The following SDK1 variants were observed in gnomAD, a reference collection of about 807,000 sequenced individuals.
The protein encoded by SDK1 is protein sidekick-1.
In SDK1, 157 loss-of-function variants were observed where a neutral mutation model predicts 245.5. That is an observed-to-expected ratio of 0.64 (90% CI 0.56 to 0.73). The LOEUF (loss-of-function observed/expected upper bound fraction) is 0.73. Ranked by LOEUF, SDK1 falls within the 30% of genes least tolerant of loss-of-function variation. The pLI is 0.00. For missense variants in SDK1, 3,583 were observed against 3,002.3 expected (o/e 1.19, Z -4.52); for synonymous variants, 1,647 against 1,278.5 (o/e 1.29, Z -6.15).
In SDK1 at chr7:3,791,464, G is replaced by T. The variant is rs10237207; in HGVS notation, c.714-29986G>T. On this transcript the variant is annotated intron_variant, in intron 4 of 44. Coordinates refer to ENST00000404826, the MANE Select transcript of SDK1 (RefSeq NM_152744.4). ...CTTCGTGGCAGATGGTCATTCTAAG[G>T]TTCCCTCAGGGTCATCAGTCATGAG... is the stretch of plus-strand genomic sequence containing the variant. Among the ~76,000 whole-genome samples the T allele has an allele frequency of 5.6e-3, 852 of 152,308 alleles. 9 individuals are homozygous for T. Among genetic ancestry groups the T allele is most frequent in the African/African-American group, 0.02 (819 of 41,586 alleles).
chr7:3,470,367 A>T (rs952913923), intron 1 of SDK1, among the ~76,000 whole-genome samples: 1 of 152,202 alleles, frequency 6.6e-6, no homozygotes, highest in East Asian at 1.9e-4. Flanking sequence ...GAAAACGTGT[A>T]CAACTATTTA....
intron 1 of SDK1, among the ~76,000 whole-genome samples, chr7:3,580,699 T>G (rs557374688): frequency 6.6e-6 from 1 of 152,218 alleles, no homozygotes; most frequent in East Asian, 1.9e-4. Flanking sequence ...CTGGGCGTGG[T>G]GGCTCACGCC....
Position 3,401,046 on chromosome 7 carries a change from C to G in SDK1, c.298+99162C>G, listed in dbSNP as rs1778875080. Reference sequence around the variant, plus strand: ...ATCTAATACTGCCTCTGCGTGGGTCCCTGCTGCCATCCGCAGCCTCATAGC... The same window carrying G: ...ATCTAATACTGCCTCTGCGTGGGTCGCTGCTGCCATCCGCAGCCTCATAGC... On this transcript the variant is annotated intron_variant, in intron 1 of 44. Transcript: ENST00000404826. Among the ~76,000 whole-genome samples, 3 of 152,232 alleles carry G rather than the reference C, an allele frequency of 2.0e-5. No homozygotes were observed. In the Middle Eastern group the frequency reaches 0.01, roughly 518 times the overall value.
chr7:4,173,301 G>A (rs908620196), intron 32 of SDK1, among the ~76,000 whole-genome samples: 10 of 152,294 alleles, frequency 6.6e-5, no homozygotes, highest in African/African-American at 2.2e-4. Flanking sequence ...GGCTTTCCAG[G>A]GCATCCGCCT....
chr7:3,396,131 T>C (rs1224204767), intron 1 of SDK1, among the ~76,000 whole-genome samples: 1 of 151,932 alleles, frequency 6.6e-6, no homozygotes, highest in East Asian at 1.9e-4. Context: ...CTGCATCTCA[T>C]ACACTTGGAC....
At chr7:3,657,969 G>C (rs982480693) in intron 4 of SDK1, among the ~76,000 whole-genome samples, 1 of 152,190 alleles carries the variant, frequency 6.6e-6, no homozygotes, top group Non-Finnish European at 1.5e-5. Flanking sequence ...ATGACAAAGT[G>C]GGTCTCAGCC....
intron 17 of SDK1, among the ~76,000 whole-genome samples, chr7:4,039,960 T>C (rs1481307027): frequency 1.3e-5 from 2 of 152,192 alleles, no homozygotes; most frequent in African/African-American, 4.8e-5. Context: ...AGCAAATTAA[T>C]TGAATAAGAA....
intron 1 of SDK1, among the ~76,000 whole-genome samples, chr7:3,493,772 C>G (rs902640883): frequency 2.7e-4 from 41 of 152,178 alleles, no homozygotes; most frequent in Admixed American, 2.0e-4. Flanking sequence ...GACATAGCTT[C>G]TATGACTTAT....
At chr7:3,682,559 A>G (rs1427651843) in intron 4 of SDK1, among the ~76,000 whole-genome samples, 2 of 152,282 alleles carry the variant, frequency 1.3e-5, no homozygotes, top group Non-Finnish European at 2.9e-5. Flanking sequence ...GCCCCCATGC[A>G]TGGGGCAGTG....
chr7:3,619,057 T>C (rs1364653844), intron 1 of SDK1, 23 bp from the exon 2 acceptor site: 6 of 1,532,388 alleles, frequency 3.9e-6, no homozygotes, highest in Non-Finnish European at 5.3e-6. Context: ...AGTTTTGTTT[T>C]GTTTTGTTTT....
chr7:3,724,125 A>G (rs952613801), intron 4 of SDK1, among the ~76,000 whole-genome samples: 1 of 151,898 alleles, frequency 6.6e-6, no homozygotes, highest in African/African-American at 2.4e-5. Flanking sequence ...CACCATGCTC[A>G]GCTAATTTGT....
Position 4,077,139 on chromosome 7 carries a change from T to C in SDK1, c.3152T>C (p.Val1051Ala). The change falls in exon 21 of 45, where the codon GTG becomes GCG. Residue 1051 changes from valine (V) to alanine (A), a missense_variant. Physicochemically the swap from Val to Ala is moderately conservative, Grantham distance 64. Coordinates refer to ENST00000404826, the MANE Select transcript of SDK1 (RefSeq NM_152744.4). ...YTIDVAAVTA[V>A]GTGLVTSSTI... ...ATCGACGTGGCCGCTGTGACTGCCGTGGGCACTGGCCTGGTGACTTCATCC... is the reference window on the plus strand; with the variant it reads ...ATCGACGTGGCCGCTGTGACTGCCGCGGGCACTGGCCTGGTGACTTCATCC... 1.2e-6 allele frequency: 2 copies of C among 1,614,230 alleles called. No homozygotes were observed. The highest frequency in any genetic ancestry group is 3.3e-4 in the Middle Eastern group (2 of 6,062).
chr7:3,338,207 CCA>C (rs1780253402), intron 1 of SDK1: 1 of 270,114 alleles, frequency 3.7e-6, no homozygotes, highest in Non-Finnish European at 7.2e-6. Flanking sequence ...GTTCTTTTGG[CCA>C]CATACCTGCA....
chr7:3,433,831 A>G (rs1197351881), intron 1 of SDK1, among the ~76,000 whole-genome samples: 1 of 152,192 alleles, frequency 6.6e-6, no homozygotes. Context: ...TGACAACCTT[A>G]CAGAGTACAT....
intron 5 of SDK1, among the ~76,000 whole-genome samples, chr7:3,851,188 C>G (rs994404586): frequency 1.3e-5 from 2 of 152,138 alleles, no homozygotes; most frequent in Admixed American, 6.5e-5. Flanking sequence ...TCACTTAAAG[C>G]TTGTTGAAAG....
intron 1 of SDK1, among the ~76,000 whole-genome samples, chr7:3,571,394 C>T (rs906008287): frequency 6.6e-6 from 1 of 151,998 alleles, no homozygotes; most frequent in Non-Finnish European, 1.5e-5. Context: ...CCTCAAACTC[C>T]TGGATTCAAG....
intron 1 of SDK1, among the ~76,000 whole-genome samples, chr7:3,479,960 T>C (rs1048491446): frequency 7.2e-5 from 11 of 152,178 alleles, no homozygotes; most frequent in South Asian, 2.1e-4. Flanking sequence ...GCTATGTTAT[T>C]AGGTACTGTG....
intron 21 of SDK1, among the ~76,000 whole-genome samples, chr7:4,078,142 C>G (rs1554333653): frequency 1.3e-5 from 2 of 152,140 alleles, no homozygotes; most frequent in Non-Finnish European, 2.9e-5. Context: ...GGCCAAACCC[C>G]TGATAACCAA....
chr7:4,097,655 CT>C (rs569984082), intron 22 of SDK1, among the ~76,000 whole-genome samples: 2 of 152,170 alleles, frequency 1.3e-5, no homozygotes, highest in Non-Finnish European at 2.9e-5. Context: ...AAGCCAAATG[CT>C]TTTATCTCAT....
Sources: gnomAD v4.1 joint callset for allele counts (sites outside exome capture counted in the v4.1 genomes callset) on GRCh38, gnomAD v4.1.1 for gene constraint, MANE v1.5 for transcripts, NCBI Gene and HGNC (gene_info 2026-07-23, HGNC 2026-07-21) for gene names.